The following PRKD1 variants were observed in gnomAD, a reference collection of about 807,000 sequenced individuals.
PRKD1 encodes serine/threonine-protein kinase D1.
Under a neutral mutation model 95.9 loss-of-function variants are expected in PRKD1, and 63 were observed. That is an observed-to-expected ratio of 0.66 (90% confidence interval 0.54 to 0.81). The LOEUF (loss-of-function observed/expected upper bound fraction) is 0.81. Ranked by LOEUF, PRKD1 falls within the 30% of genes least tolerant of loss-of-function variation. PRKD1 has a pLI of 0.00. For missense variants in PRKD1, 1,048 were observed against 1,165.3 expected, an observed-to-expected ratio of 0.90 and a Z score of 1.47; for synonymous variants, 425 against 423.1, an observed-to-expected ratio of 1.00 and a Z score of -0.05.
chr14:29,733,203 A>T lies in PRKD1; in HGVS notation c.265-7529T>A, dbSNP rs1343475790. ...CTGCAAGCTCCGCCTCCCAGGTTCA[A>T]GCCATTCTCCTGCCTCAGCCTTCCA... On this transcript the variant is annotated intron_variant, in intron 1 of 17. Transcript: ENST00000331968. Among the ~76,000 whole-genome samples, 3 of 151,510 alleles carry T rather than the reference A, an allele frequency of 2.0e-5. No homozygotes were observed. In the East Asian group the frequency reaches 5.8e-4, roughly 30 times the overall value.
chr14:29,747,797 G>A (rs1287680609), intron 1 of PRKD1, among the ~76,000 whole-genome samples: 3 of 152,104 alleles, frequency 2.0e-5, no homozygotes, highest in Admixed American at 2.0e-4. Flanking sequence ...AGGCTGGAGT[G>A]CAGTGGCACA....
intron 13 of PRKD1, among the ~76,000 whole-genome samples, chr14:29,604,318 CAT>C (rs1472639262): frequency 2.6e-5 from 4 of 152,056 alleles, no homozygotes; most frequent in Non-Finnish European, 5.9e-5. Context: ...TCTACTCAAA[CAT>C]ATGAGAGGTA....
intron 13 of PRKD1, among the ~76,000 whole-genome samples, chr14:29,605,144 A>G (rs4981712): frequency 0.96 from 146,674 of 152,078 alleles, 70,783 homozygotes; most frequent in Non-Finnish European, 0.98. Context: ...ACAGGGATCC[A>G]CCACAGCATC....
intron 1 of PRKD1, among the ~76,000 whole-genome samples, chr14:29,845,464 G>C (rs1179866535): frequency 6.6e-6 from 1 of 151,998 alleles, no homozygotes; most frequent in East Asian, 1.9e-4. Flanking sequence ...TACATTTTTT[G>C]TATTGAAGTT....
chr14:29,748,040 G>A (rs926349614), intron 1 of PRKD1, among the ~76,000 whole-genome samples: 6 of 152,002 alleles, frequency 3.9e-5, no homozygotes, highest in Non-Finnish European at 5.9e-5. Flanking sequence ...CACCACGCCC[G>A]GCCAAAAACT....
intron 4 of PRKD1, among the ~76,000 whole-genome samples, chr14:29,640,678 T>C (rs1316447438): frequency 6.6e-6 from 1 of 152,200 alleles, no homozygotes; most frequent in Non-Finnish European, 1.5e-5. Context: ...TGTCCTCTAG[T>C]AACTGTAGCC....
chr14:29,769,043 G>T (rs1242856084), intron 1 of PRKD1, among the ~76,000 whole-genome samples: 1 of 152,020 alleles, frequency 6.6e-6, no homozygotes. Context: ...CTATAAGAAG[G>T]AATCTAAAAG....
At chr14:29,709,272 T>TTA (rs1159954669) in intron 2 of PRKD1, among the ~76,000 whole-genome samples, 2 of 152,274 alleles carry the variant, frequency 1.3e-5, no homozygotes, top group Middle Eastern at 3.4e-3. Context: ...TATAGAAGAA[T>TTA]TATTTTACAG....
intron 16 of PRKD1, among the ~76,000 whole-genome samples, chr14:29,592,050 G>A (rs1893147595): frequency 6.6e-6 from 1 of 151,928 alleles, no homozygotes; most frequent in South Asian, 2.1e-4. Context: ...TTAAAAATAG[G>A]TACACAAGTT....
At chr14:29,692,651 T>G (rs186610468) in intron 2 of PRKD1, among the ~76,000 whole-genome samples, 15 of 152,272 alleles carry the variant, frequency 9.9e-5, no homozygotes, top group African/African-American at 3.6e-4. Context: ...GGAAACATTA[T>G]GTACCCATTT....
At chr14:29,793,947 T>G (rs1362817497) in intron 1 of PRKD1, among the ~76,000 whole-genome samples, 1 of 152,094 alleles carries the variant, frequency 6.6e-6, no homozygotes, top group Non-Finnish European at 1.5e-5. Flanking sequence ...TTTACTAAGA[T>G]CCAATGTTTC....
rs558210700 is a variant in PRKD1, at chr14:29,677,057, C to T, written c.404-10849G>A. Among the ~76,000 whole-genome samples the T allele has an allele frequency of 1.3e-3, 196 of 152,238 alleles. 1 individual carries two copies. Among genetic ancestry groups the T allele is most frequent in the African/African-American group, 4.1e-3 (172 of 41,536 alleles). On this transcript the variant is annotated intron_variant, in intron 2 of 17. Coordinates refer to ENST00000331968, the MANE Select transcript of PRKD1 (RefSeq NM_002742.3). Reference sequence around the variant, plus strand: ...TGATTCCAGAAAGTTGAACTGGACCCCACTGCTCTAAAGAGAGAATTTAAC... The same window carrying T: ...TGATTCCAGAAAGTTGAACTGGACCTCACTGCTCTAAAGAGAGAATTTAAC...
intron 2 of PRKD1, among the ~76,000 whole-genome samples, chr14:29,688,942 C>T (rs1884047547): frequency 8.6e-6 from 1 of 116,492 alleles, no homozygotes; most frequent in South Asian, 2.8e-4. Flanking sequence ...GAGCGAGACT[C>T]CGTCTCAAAA....
intron 1 of PRKD1, 40 bp from the exon 2 acceptor site, chr14:29,725,714 C>T: frequency 6.3e-7 from 1 of 1,588,394 alleles, no homozygotes; most frequent in Non-Finnish European, 8.6e-7. Context: ...ATGTCAAAAT[C>T]CTTCCAAATA....
In PRKD1 at chr14:29,837,496, A is replaced by G. The variant is rs192620292; in HGVS notation, c.264+89753T>C. 5.3e-5 allele frequency among the ~76,000 whole-genome samples: 8 copies of G among 152,334 alleles called. No homozygotes were observed. In the East Asian group the frequency reaches 1.5e-3, roughly 29 times the overall value. The stretch of plus-strand genomic sequence containing the variant: ...TAAAAGTAAAGAGGTAATCACATCC[A>G]TTTGTAAAAACTCTTGAGTAACTAA... On this transcript the variant is annotated intron_variant, in intron 1 of 17. Transcript: ENST00000331968.
At chr14:29,834,209 C>A (rs1232549710) in intron 1 of PRKD1, among the ~76,000 whole-genome samples, 2 of 152,076 alleles carry the variant, frequency 1.3e-5, no homozygotes, top group Admixed American at 6.5e-5. Flanking sequence ...TAGACAGAAG[C>A]TGTTAGCCAT....
rs1228582127 is a variant in PRKD1, at chr14:29,927,571, G to A, written c.-59C>T. The stretch of plus-strand genomic sequence containing the variant: ...GCGGGGGCTGGCGGCGCGGCAGCAG[G>A]AAAGTTTTGCAGCCGCTGAGCCAGG... On this transcript the variant is annotated 5_prime_UTR_variant, in exon 1 of 18. Transcript: ENST00000331968. The A allele has an allele frequency of 3.6e-6, 4 of 1,106,376 alleles. No homozygotes were observed. Among genetic ancestry groups the A allele is most frequent in the Admixed American group, 5.0e-5 (1 of 19,910 alleles). The allele number at this position is 1,106,376 out of a possible 1,614,324, so 68.5% of individuals were successfully genotyped here. A position where few individuals can be genotyped will look rare whatever the true frequency, so the allele number is the denominator to read the frequency against.
intron 16 of PRKD1, among the ~76,000 whole-genome samples, chr14:29,589,958 TTG>T (rs1204918352): frequency 4.6e-5 from 7 of 152,224 alleles, no homozygotes; most frequent in Non-Finnish European, 1.0e-4. Context: ...TCTTCTATAC[TTG>T]TTTCATTGAC....
chr14:29,663,694 C>A lies in PRKD1; in HGVS notation c.696+5G>T, dbSNP rs748429097. On this transcript the variant is annotated splice_donor_5th_base_variant and intron_variant, in intron 4 of 17. Transcript: ENST00000331968. ...ATGGGGAAGTGGGTAAACAGGAAGC[C>A]ATACCAGAAGGGGCTCATCAGGGGC... The A allele has an allele frequency of 1.9e-6, 3 of 1,613,002 alleles. No homozygotes were observed. The highest frequency in any genetic ancestry group is 4.5e-5 in the East Asian group (2 of 44,846).
Sources: allele counts gnomAD v4.1 joint callset (sites outside exome capture counted in the v4.1 genomes callset), GRCh38; gene constraint gnomAD v4.1.1; transcripts MANE v1.5; gene names NCBI Gene and HGNC (gene_info 2026-07-23, HGNC 2026-07-21).